The following NPTN variants were observed in gnomAD, a reference collection of about 807,000 sequenced individuals.
The protein encoded by NPTN is neuroplastin.
NPTN carries 5 observed loss-of-function variants against 42.7 expected under a neutral mutation model. That is an observed-to-expected ratio of 0.12 (90% CI 0.06 to 0.25). The LOEUF is 0.25. NPTN is among the 10% of genes least tolerant of loss of function. The pLI, the probability that NPTN is intolerant of heterozygous loss-of-function variation, is 1.00. For missense variants in NPTN, 307 were observed against 525.4 expected (o/e 0.58, Z 4.06); for synonymous variants, 180 against 201.9 (o/e 0.89, Z 0.92).
At chr15:73,615,373 A>G (rs909482879) in intron 1 of NPTN, among the ~76,000 whole-genome samples, 26 of 152,130 alleles carry the variant, frequency 1.7e-4, no homozygotes, top group African/African-American at 5.8e-4. Context: ...AGTATATCAT[A>G]ATTTAATTTG....
At chr15:73,609,090 T>C (rs1365215478) in intron 1 of NPTN, among the ~76,000 whole-genome samples, 1 of 152,164 alleles carries the variant, frequency 6.6e-6, no homozygotes, top group Admixed American at 6.5e-5. Flanking sequence ...TATACTTCTT[T>C]CCAAATGATT....
intron 1 of NPTN, among the ~76,000 whole-genome samples, chr15:73,617,966 A>C (rs1897941746): frequency 1.3e-5 from 2 of 152,004 alleles, no homozygotes; most frequent in Non-Finnish European, 2.9e-5. Context: ...GCACCACTCC[A>C]CCTCATAATT....
chr15:73,609,436 C>T (rs938973213), intron 1 of NPTN, among the ~76,000 whole-genome samples: 1 of 152,168 alleles, frequency 6.6e-6, no homozygotes, highest in Non-Finnish European at 1.5e-5. Context: ...CAAGAGCAGC[C>T]TGGCCAACAT....
At chr15:73,561,606 G>A (rs1230891955) in intron 8 of NPTN, among the ~76,000 whole-genome samples, 1 of 150,808 alleles carries the variant, frequency 6.6e-6, no homozygotes, top group Admixed American at 6.6e-5. Context: ...CTTGAACCCG[G>A]GAGGCGGAGG....
intron 4 of NPTN, among the ~76,000 whole-genome samples, chr15:73,582,902 A>G (rs1035611225): frequency 6.6e-6 from 1 of 152,154 alleles, no homozygotes. Flanking sequence ...GCCCTCAAAC[A>G]TCGGACTCCA....
At chr15:73,567,020 T>A in intron 6 of NPTN, 7 of 961,200 alleles carry the variant, frequency 7.3e-6, no homozygotes, top group Non-Finnish European at 8.6e-6. Context: ...TTTTTTTTTT[T>A]TTTAAAGGAA....
chr15:73,573,600 G>T, intron 5 of NPTN, 62 bp downstream of exon 5: 1 of 1,486,022 alleles, frequency 6.7e-7, no homozygotes, highest in African/African-American at 1.4e-5. Flanking sequence ...ACTGACCCAC[G>T]TGTCTGGACC....
At chr15:73,563,456 G>A (rs1894808232) in intron 6 of NPTN, 199 bp from the exon 7 acceptor site, 2 of 1,393,098 alleles carry the variant, frequency 1.4e-6, no homozygotes, top group Non-Finnish European at 1.9e-6. Context: ...AGTTTAAATG[G>A]CAGGTATGTT....
intron 2 of NPTN, among the ~76,000 whole-genome samples, chr15:73,595,088 A>T (rs1332040638): frequency 6.6e-6 from 1 of 152,222 alleles, no homozygotes; most frequent in Non-Finnish European, 1.5e-5. Flanking sequence ...CCACATGCAG[A>T]CAATTCTAAG....
chr15:73,576,023 A>T (rs1206676020), intron 4 of NPTN, among the ~76,000 whole-genome samples: 1 of 152,182 alleles, frequency 6.6e-6, no homozygotes, highest in African/African-American at 2.4e-5. Flanking sequence ...ACAGCTACTC[A>T]GTCACTTCTT....
intron 4 of NPTN, among the ~76,000 whole-genome samples, chr15:73,579,568 G>A (rs1015740534): frequency 6.6e-6 from 1 of 152,004 alleles, no homozygotes; most frequent in East Asian, 1.9e-4. Context: ...CAGCTGCACT[G>A]CCTCTGAAAA....
At chr15:73,609,051 G>A (rs1897428036) in intron 1 of NPTN, among the ~76,000 whole-genome samples, 1 of 152,144 alleles carries the variant, frequency 6.6e-6, no homozygotes, top group East Asian at 1.9e-4. Context: ...GGATGAAAAA[G>A]AAACTGAGAA....
Position 73,573,713 on chromosome 15 carries a change from G to A in NPTN, c.789C>T (p.Gly263=). 6.3e-7 allele frequency: 1 copy of A among 1,596,006 alleles called. No individual in the cohort carries two copies. Among genetic ancestry groups the A allele is most frequent in the East Asian group, 2.3e-5 (1 of 43,144 alleles). The change falls in exon 5 of 9, where the codon GGC becomes GGT. Residue 263 remains glycine, a synonymous_variant. Coordinates refer to ENST00000345330, the MANE Select transcript of NPTN (RefSeq NM_012428.4). ...GCCATATCCAGTCTGGGTGGGGGTA[G>A]CCAACTGACTTGCAATACATAGTGG... The part of the protein sequence containing the change: ...QDATMYCKSV[G]YPHPDWIWRK...
chr15:73,618,062 A>G (rs975825656), intron 1 of NPTN, among the ~76,000 whole-genome samples: 1 of 152,124 alleles, frequency 6.6e-6, no homozygotes, highest in South Asian at 2.1e-4. Flanking sequence ...CACGTATGCT[A>G]CTCCACAGTA....
At chr15:73,598,585 T>G (rs1055116769) in intron 1 of NPTN, among the ~76,000 whole-genome samples, 5 of 152,116 alleles carry the variant, frequency 3.3e-5, no homozygotes, top group African/African-American at 1.2e-4. Flanking sequence ...TAGGGTTCAT[T>G]CAGCATTTCT....
intron 4 of NPTN, among the ~76,000 whole-genome samples, chr15:73,585,843 A>G (rs1896293404): frequency 6.6e-6 from 1 of 152,196 alleles, no homozygotes; most frequent in African/African-American, 2.4e-5. Context: ...CTTGAATATA[A>G]CACGTAAGTT....
At chr15:73,617,180 T>G (rs899564345) in intron 1 of NPTN, among the ~76,000 whole-genome samples, 8 of 152,162 alleles carry the variant, frequency 5.3e-5, no homozygotes, top group Non-Finnish European at 2.9e-5. Context: ...AGTATGTAAA[T>G]GACATGCCTA....
Position 73,592,806 on chromosome 15 carries a change from C to T in NPTN, c.440-669G>A, listed in dbSNP as rs147453005. Among the ~76,000 whole-genome samples, 1,507 of 152,294 alleles carry T rather than the reference C, an allele frequency of 9.9e-3. 25 individuals are homozygous for T. Among genetic ancestry groups the T allele is most frequent in the African/African-American group, 0.034 (1,432 of 41,554 alleles). On this transcript the variant is annotated intron_variant, in intron 2 of 8. Coordinates refer to ENST00000345330, the MANE Select transcript of NPTN (RefSeq NM_012428.4). ...AAACAAGTTGTTGTTTTCAGAATTGCACTTTAAAACACATTCCATTCTGAG... is the reference window on the plus strand; with the variant it reads ...AAACAAGTTGTTGTTTTCAGAATTGTACTTTAAAACACATTCCATTCTGAG...
chr15:73,600,179 C>T (rs564259589), intron 1 of NPTN, among the ~76,000 whole-genome samples: 1 of 152,320 alleles, frequency 6.6e-6, no homozygotes, highest in South Asian at 2.1e-4. Flanking sequence ...GTAAGGAATG[C>T]TGATCTGAGT....
Sources: allele counts gnomAD v4.1 joint callset (sites outside exome capture counted in the v4.1 genomes callset), GRCh38; gene constraint gnomAD v4.1.1; transcripts MANE v1.5; gene names NCBI Gene and HGNC (gene_info 2026-07-23, HGNC 2026-07-21).